KLF7: variants seen among roughly 807,000 people sequenced by gnomAD.
The protein encoded by KLF7 is KLF transcription factor 7.
KLF7 carries 2 observed loss-of-function variants against 27.3 expected under a neutral mutation model. The ratio of observed to expected loss-of-function variants is 0.07; its 90% confidence interval spans 0.03 to 0.23. KLF7 has a LOEUF of 0.23. KLF7 is among the 10% of genes least tolerant of loss of function. KLF7 has a pLI of 1.00. For synonymous variants in KLF7, 165 were observed against 162.4 expected (o/e 1.02, Z -0.12); for missense variants, 221 against 394.1 (o/e 0.56, Z 3.72).
intron 2 of KLF7, among the ~76,000 whole-genome samples, chr2:207,089,925 A>G (rs1443627767): frequency 6.6e-6 from 1 of 152,148 alleles, no homozygotes; most frequent in Non-Finnish European, 1.5e-5. Context: ...TAAAAGCTAA[A>G]TCTTTACTAG....
At chr2:207,119,799 GGT>G (rs2077288032) in intron 2 of KLF7, among the ~76,000 whole-genome samples, 1 of 152,116 alleles carries the variant, frequency 6.6e-6, no homozygotes, top group South Asian at 2.1e-4. Flanking sequence ...CGCCTCCTGG[GGT>G]CAAGCGATTC....
intron 2 of KLF7, among the ~76,000 whole-genome samples, chr2:207,096,172 T>G (rs1309041219): frequency 6.6e-6 from 1 of 152,204 alleles, no homozygotes; most frequent in East Asian, 1.9e-4. Context: ...TATTTTTAAC[T>G]GTGAGAAAGC....
intron 1 of KLF7, among the ~76,000 whole-genome samples, chr2:207,132,589 C>G (rs2077666863): frequency 6.6e-6 from 1 of 152,198 alleles, no homozygotes; most frequent in African/African-American, 2.4e-5. Context: ...AGGGTGATGT[C>G]TTTGAAATTA....
chr2:207,081,057 G>GCA lies in KLF7; in HGVS notation c.*155_*156insTG. ...TATGTGTGTGGGTCTGTGAGTGTGT[G>GCA]TATATGTGTGTGTGTGTGTGTGTGT... On this transcript the variant is annotated 3_prime_UTR_variant, in exon 4 of 4. Coordinates refer to ENST00000309446, the MANE Select transcript of KLF7 (RefSeq NM_003709.4). 1 of 523,948 alleles carries GCA rather than the reference G, an allele frequency of 1.9e-6. No individual in the cohort carries two copies. The highest frequency in any genetic ancestry group is 3.5e-6 in the Non-Finnish European group (1 of 285,742). The allele number at this position is 523,948 out of a possible 1,614,324, so 32.5% of individuals were successfully genotyped here. A position where few individuals can be genotyped will look rare whatever the true frequency, so the allele number is the denominator to read the frequency against.
At chr2:207,169,961 A>G (rs2078774396), upstream of KLF7, among the ~76,000 whole-genome samples, 1 of 152,088 alleles carries the variant, frequency 6.6e-6, no homozygotes, top group South Asian at 2.1e-4. Context: ...TATCCCCACT[A>G]TGGCCTCTAA....
At chr2:207,166,952 C>T, upstream of KLF7, 2 of 885,648 alleles carry the variant, frequency 2.3e-6, no homozygotes, top group Non-Finnish European at 1.4e-6. Flanking sequence ...CCGCCGCCGC[C>T]GCCCTCCCTC....
In KLF7 at chr2:207,076,415, G is replaced by A. The variant is rs1460902453; in HGVS notation, c.*4798C>T. 2 of 152,026 alleles carry A rather than the reference G, an allele frequency of 1.3e-5. No homozygotes were observed. Among genetic ancestry groups the A allele is most frequent in the South Asian group, 2.1e-4 (1 of 4,806 alleles). The allele number at this position is 152,026 out of a possible 1,614,324, so 9.4% of individuals were successfully genotyped here. ...CTGTTTTTGACACCTGTTTCCCGAGGACTTTTATGTTAAATGCAAAACACC... is the reference window on the plus strand; with the variant it reads ...CTGTTTTTGACACCTGTTTCCCGAGAACTTTTATGTTAAATGCAAAACACC... On this transcript the variant is annotated 3_prime_UTR_variant, in exon 4 of 4. Coordinates refer to ENST00000309446, the MANE Select transcript of KLF7 (RefSeq NM_003709.4).
upstream of KLF7, among the ~76,000 whole-genome samples, chr2:207,168,087 T>TCA (rs34653153): frequency 6.6e-6 from 1 of 151,542 alleles, no homozygotes; most frequent in Non-Finnish European, 1.5e-5. Context: ...TGAGAAACAC[T>TCA]AGGGCAAAAA....
intron 1 of KLF7, among the ~76,000 whole-genome samples, chr2:207,134,803 G>A (rs1360636231): frequency 6.6e-6 from 1 of 152,154 alleles, no homozygotes; most frequent in Non-Finnish European, 1.5e-5. Context: ...AATCCCCCTG[G>A]GAGAAGTTAA....
intron 1 of KLF7, among the ~76,000 whole-genome samples, chr2:207,136,909 C>T (rs558705614): frequency 5.5e-4 from 84 of 152,276 alleles, no homozygotes; most frequent in African/African-American, 2.0e-3. Context: ...ACTGAGAAGG[C>T]ACTTGCTGCT....
chr2:207,110,661 A>G (rs1343623551), intron 2 of KLF7, among the ~76,000 whole-genome samples: 2 of 152,258 alleles, frequency 1.3e-5, no homozygotes, highest in African/African-American at 2.4e-5. Context: ...CGAATCTTCA[A>G]TCTAGAAGGT....
chr2:207,166,955 CCT>C, upstream of KLF7: 1 of 882,074 alleles, frequency 1.1e-6, no homozygotes, highest in African/African-American at 1.8e-5. Flanking sequence ...CCGCCGCCGC[CCT>C]CCCTCCCGCG....
At chr2:207,103,363 T>C (rs2076811011) in intron 2 of KLF7, among the ~76,000 whole-genome samples, 1 of 152,170 alleles carries the variant, frequency 6.6e-6, no homozygotes, top group South Asian at 2.1e-4. Flanking sequence ...ACCTCAGGAA[T>C]GGAAATCCTA....
chr2:207,107,087 C>T (rs2076901318), intron 2 of KLF7, among the ~76,000 whole-genome samples: 1 of 152,156 alleles, frequency 6.6e-6, no homozygotes, highest in African/African-American at 2.4e-5. Flanking sequence ...TCTTCCACTC[C>T]AGCCACGTCA....
At chr2:207,086,908 T>C (rs1166233527) in intron 3 of KLF7, among the ~76,000 whole-genome samples, 4 of 152,236 alleles carry the variant, frequency 2.6e-5, no homozygotes, top group Admixed American at 6.5e-5. Flanking sequence ...TTGGTCCCAG[T>C]TGATGTAACA....
chr2:207,127,253 TGAA>T (rs72423366), intron 1 of KLF7, among the ~76,000 whole-genome samples: 4,673 of 152,266 alleles, frequency 0.031, 83 homozygotes, highest in South Asian at 0.06. Flanking sequence ...TCCTGAAAAT[TGAA>T]GAAGCATAAG....
At chr2:207,098,237 A>T (rs2076677710) in intron 2 of KLF7, among the ~76,000 whole-genome samples, 1 of 152,218 alleles carries the variant, frequency 6.6e-6, no homozygotes, top group African/African-American at 2.4e-5. Flanking sequence ...TTAAATCCAA[A>T]TAAAACTTAA....
intron 2 of KLF7, 63 bp from the exon 3 acceptor site, chr2:207,088,644 G>A (rs2076443397): frequency 6.5e-7 from 1 of 1,549,306 alleles, no homozygotes; most frequent in Non-Finnish European, 8.8e-7. Context: ...CACCCAACCA[G>A]CCTGTGCTGC....
chr2:207,111,385 C>T lies in KLF7; in HGVS notation c.733+12389G>A, dbSNP rs545467270. 3.9e-5 allele frequency among the ~76,000 whole-genome samples: 6 copies of T among 152,320 alleles called. No individual in the cohort carries two copies. In the South Asian group the frequency reaches 1.2e-3, roughly 32 times the overall value. On this transcript the variant is annotated intron_variant, in intron 2 of 3. Coordinates refer to ENST00000309446, the MANE Select transcript of KLF7 (RefSeq NM_003709.4). The stretch of plus-strand genomic sequence containing the variant: ...GTTTTGAGCACAGGGTGTCCAGCTA[C>T]AGGCTGAGAGGGGCTGAATCTGGCT...
Sources: allele counts gnomAD v4.1 joint callset (sites outside exome capture counted in the v4.1 genomes callset), GRCh38; gene constraint gnomAD v4.1.1; transcripts MANE v1.5; gene names NCBI Gene and HGNC (gene_info 2026-07-23, HGNC 2026-07-21).